The following UBXN2A variants were observed in gnomAD, a reference collection of about 807,000 sequenced individuals.
The protein encoded by UBXN2A is UBX domain-containing protein 2A.
UBXN2A carries 28 observed loss-of-function variants against 28.4 expected under a neutral mutation model. The ratio of observed to expected loss-of-function variants is 0.99; its 90% CI spans 0.73 to 1.35. UBXN2A has a LOEUF of 1.35. Among genes scored for constraint, UBXN2A ranks in the 40% most tolerant of loss-of-function variants. The pLI, the probability that UBXN2A is intolerant of heterozygous loss-of-function variation, is 0.00. For missense variants in UBXN2A, 253 were observed against 297.9 expected, an observed-to-expected ratio of 0.85 and a Z score of 1.11; for synonymous variants, 97 against 103.6, an observed-to-expected ratio of 0.94 and a Z score of 0.39.
At chr2:23,982,315 C>T (rs535964171) in intron 4 of UBXN2A, among the ~76,000 whole-genome samples, 3 of 151,254 alleles carry the variant, frequency 2.0e-5, no homozygotes, top group East Asian at 1.9e-4. Flanking sequence ...TGCAGTGGGC[C>T]GAGATCGTGC....
rs79370165 is a variant in UBXN2A at position 23,980,942 on chromosome 2, G to A, written c.288-1954G>A. On this transcript the variant is annotated intron_variant, in intron 4 of 6. Transcript: ENST00000309033. ...GTGCTCAGCCTGTTTATATTTTCAG[G>A]TGGTTTATTTGCCTTTTTGTTAAGT... Among the ~76,000 whole-genome samples, 390 of 152,010 alleles carry A rather than the reference G, an allele frequency of 2.6e-3. 1 individual carries two copies. The highest frequency in any genetic ancestry group is 5.7e-3 in the African/African-American group (238 of 41,460).
At chr2:23,936,468 G>A (rs1416323810), upstream of UBXN2A, among the ~76,000 whole-genome samples, 2 of 151,962 alleles carry the variant, frequency 1.3e-5, no homozygotes, top group African/African-American at 4.8e-5. Context: ...ATAGCACTTT[G>A]GGAGGCCAAG....
intron 2 of UBXN2A, among the ~76,000 whole-genome samples, chr2:23,970,468 G>C (rs1205698343): frequency 6.6e-6 from 1 of 152,052 alleles, no homozygotes; most frequent in Non-Finnish European, 1.5e-5. Context: ...TATCTCATGG[G>C]TAAAGGCCAA....
At chr2:23,961,563 T>TTTTTTG (rs869224645) in intron 2 of UBXN2A, among the ~76,000 whole-genome samples, 1 of 120,548 alleles carries the variant, frequency 8.3e-6, no homozygotes, top group Non-Finnish European at 1.8e-5. Flanking sequence ...TTTTTTTTTT[T>TTTTTTG]GGTGAGATGA....
chr2:23,952,880 GTTTAT>G (rs1261119645), intron 1 of UBXN2A, among the ~76,000 whole-genome samples: 1 of 150,130 alleles, frequency 6.7e-6, no homozygotes, highest in East Asian at 2.0e-4. Context: ...TGCCTGGCCT[GTTTAT>G]TTAATTTTAA....
At chr2:23,967,388 G>T (rs2150858559) in intron 2 of UBXN2A, among the ~76,000 whole-genome samples, 1 of 152,280 alleles carries the variant, frequency 6.6e-6, no homozygotes, top group South Asian at 2.1e-4. Context: ...CTGAACAGAA[G>T]AAACAGTTAA....
At chr2:23,950,576 G>A (rs950113857) in intron 1 of UBXN2A, among the ~76,000 whole-genome samples, 6 of 150,018 alleles carry the variant, frequency 4.0e-5, no homozygotes, top group Admixed American at 6.6e-5. Flanking sequence ...CTAATTTTTT[G>A]TATTTTTAGT....
rs2150792686 is a variant in UBXN2A, at chr2:23,940,465, T to C, written c.-198T>C. ...GCGCGGAGCCGGCGTCGGCGCGCGC[T>C]TGGGCGCCTGGCGAAGACCGAGAGA... is the stretch of plus-strand genomic sequence containing the variant. On this transcript the variant is annotated 5_prime_UTR_variant, in exon 1 of 7. Coordinates refer to ENST00000309033, the MANE Select transcript of UBXN2A (RefSeq NM_181713.4). 6.6e-6 allele frequency: 1 copy of C among 151,038 alleles called. No individual in the cohort carries two copies. Among genetic ancestry groups the C allele is most frequent in the Non-Finnish European group, 1.5e-5 (1 of 67,652 alleles). The allele number at this position is 151,038 out of a possible 1,614,324, so 9.4% of individuals were successfully genotyped here.
At chr2:23,952,987 G>GT (rs778688570) in intron 1 of UBXN2A, among the ~76,000 whole-genome samples, 2 of 146,672 alleles carry the variant, frequency 1.4e-5, no homozygotes, top group Non-Finnish European at 3.0e-5. Context: ...TTTTAACAAA[G>GT]TAATCTTTAT....
At chr2:23,955,034 G>A (rs954779130) in intron 1 of UBXN2A, among the ~76,000 whole-genome samples, 1 of 151,064 alleles carries the variant, frequency 6.6e-6, no homozygotes, top group Non-Finnish European at 1.5e-5. Flanking sequence ...CCGGGTTCAG[G>A]CCATTCTCCT....
chr2:23,930,014 A>G (rs909800227), intron 1 of UBXN2A, among the ~76,000 whole-genome samples: 3 of 152,108 alleles, frequency 2.0e-5, no homozygotes, highest in African/African-American at 7.2e-5. Flanking sequence ...TCAGCCTCCC[A>G]AGTAGCTAGG....
In UBXN2A at chr2:23,999,630, A is replaced by T. The variant is rs189050555; in HGVS notation, c.585-42A>T. The stretch of plus-strand genomic sequence containing the variant: ...TTGTTACTATAAATTAGGTAATTCA[A>T]ATTTTCCTAAAATTATATTAATAGT... On this transcript the variant is annotated intron_variant, in intron 6 of 6. Coordinates refer to ENST00000309033, the MANE Select transcript of UBXN2A (RefSeq NM_181713.4). The T allele has an allele frequency of 4.5e-6, 7 of 1,567,964 alleles. No individual in the cohort carries two copies. In the South Asian group the frequency reaches 4.7e-5, roughly 11 times the overall value.
At chr2:23,967,466 G>A (rs768423900) in intron 2 of UBXN2A, among the ~76,000 whole-genome samples, 2 of 152,164 alleles carry the variant, frequency 1.3e-5, no homozygotes, top group Non-Finnish European at 1.5e-5. Flanking sequence ...GTGCCAGTAT[G>A]TATACTGATA....
rs1011691198 is a variant in UBXN2A, at chr2:23,971,399, T to C, written c.165T>C (p.Ala55=). The C allele has an allele frequency of 1.9e-6, 3 of 1,547,546 alleles. No homozygotes were observed. The highest frequency in any genetic ancestry group is 3.5e-5 in the Admixed American group (2 of 56,944). Reference sequence around the variant, plus strand: ...TTAGTTCCAAATGTGTGTCTCCCGCTGAACAGAAGAAACAGGTAAATAAAT... The same window carrying C: ...TTAGTTCCAAATGTGTGTCTCCCGCCGAACAGAAGAAACAGGTAAATAAAT... ...QKVSSKCVSP[A]EQKKQVDVNI... is the part of the protein sequence containing the mutation. Residue 55 remains alanine, a synonymous_variant, in exon 3 of 7, where the codon GCT becomes GCC. Transcript: ENST00000309033.
intron 6 of UBXN2A, among the ~76,000 whole-genome samples, chr2:23,998,957 T>C (rs1037305502): frequency 2.8e-4 from 42 of 152,312 alleles, no homozygotes; most frequent in African/African-American, 1.0e-3. Context: ...TTTATATTTA[T>C]GTTCTTTGAC....
Position 23,983,042 on chromosome 2 carries a change from G to A in UBXN2A, c.425+9G>A. The stretch of plus-strand genomic sequence containing the variant: ...GGTCACAGACTAGGAAGGTAAATAT[G>A]CCTATTGTCTTGTTTTGCATAGATC... On this transcript the variant is annotated intron_variant, in intron 5 of 6. Transcript: ENST00000309033. The A allele has an allele frequency of 6.3e-7, 1 of 1,589,260 alleles. No homozygotes were observed. Among genetic ancestry groups the A allele is most frequent in the Non-Finnish European group, 8.6e-7 (1 of 1,168,468 alleles).
At chr2:23,998,931 C>T (rs927192782) in intron 6 of UBXN2A, among the ~76,000 whole-genome samples, 1 of 152,066 alleles carries the variant, frequency 6.6e-6, no homozygotes, top group African/African-American at 2.4e-5. Context: ...TTCTTTTAAC[C>T]TTTGTTTTCT....
chr2:23,994,565 C>G (rs981659524), intron 6 of UBXN2A, among the ~76,000 whole-genome samples: 3 of 152,122 alleles, frequency 2.0e-5, no homozygotes, highest in African/African-American at 7.2e-5. Flanking sequence ...TTGGTCTGGT[C>G]TGTTAAATAC....
rs1007469231 is a variant in UBXN2A at position 24,002,310 on chromosome 2, G to A, written c.*2443G>A. ...ATCTCAGCTACTAGGGAGGCTGAGGGAGGAGAATTGCTTGAACTCAGGAGG... is the reference window on the plus strand; with the variant it reads ...ATCTCAGCTACTAGGGAGGCTGAGGAAGGAGAATTGCTTGAACTCAGGAGG... On this transcript the variant is annotated 3_prime_UTR_variant, in exon 7 of 7. Transcript: ENST00000309033. 1.3e-5 allele frequency: 2 copies of A among 152,242 alleles called. No homozygotes were observed. The highest frequency in any genetic ancestry group is 4.8e-5 in the African/African-American group (2 of 41,382). 9.4% of individuals were successfully genotyped at this position (152,242 alleles called of 1,614,324 possible).
Sources: allele counts gnomAD v4.1 joint callset (sites outside exome capture counted in the v4.1 genomes callset), GRCh38; gene constraint gnomAD v4.1.1; transcripts MANE v1.5; gene names NCBI Gene and HGNC (gene_info 2026-07-23, HGNC 2026-07-21).